Variants in NAALADL2 observed in about 807,000 individuals in gnomAD.
NAALADL2 encodes the protein N-acetylated alpha-linked acidic dipeptidase like 2.
A neutral mutation model predicts 87.2 loss-of-function variants in NAALADL2; 76 were observed. The ratio of observed to expected loss-of-function variants is 0.87; its 90% CI spans 0.72 to 1.05. The LOEUF (loss-of-function observed/expected upper bound fraction) is 1.05, where lower values mean the gene tolerates loss of function less well. Ranked by LOEUF, NAALADL2 falls within the 50% of genes least tolerant of loss-of-function variation. The pLI is 0.00. For missense variants in NAALADL2, 1,089 were observed against 945.8 expected, an observed-to-expected ratio of 1.15 and a Z score of -1.99; for synonymous variants, 354 against 331.0, an observed-to-expected ratio of 1.07 and a Z score of -0.75.
intron 3 of NAALADL2, among the ~76,000 whole-genome samples, chr3:174,767,164 C>T (rs978559193): frequency 6.6e-6 from 1 of 152,142 alleles, no homozygotes; most frequent in South Asian, 2.1e-4. Context: ...AAAATTAGCA[C>T]AACTGAGCAC....
At chr3:174,515,626 A>G (rs1246774582) in intron 1 of NAALADL2, among the ~76,000 whole-genome samples, 1 of 151,806 alleles carries the variant, frequency 6.6e-6, no homozygotes, top group Non-Finnish European at 1.5e-5. Flanking sequence ...TATAGAACAA[A>G]TATTTGGTTG....
intron 13 of NAALADL2, among the ~76,000 whole-genome samples, chr3:175,786,259 T>C (rs1375924875): frequency 6.6e-6 from 1 of 151,980 alleles, no homozygotes; most frequent in Non-Finnish European, 1.5e-5. Flanking sequence ...CCTTGCTAGA[T>C]TGGGGAAGTT....
intron 1 of NAALADL2, among the ~76,000 whole-genome samples, chr3:174,979,814 C>T (rs967022132): frequency 3.3e-5 from 5 of 152,102 alleles, no homozygotes; most frequent in African/African-American, 1.2e-4. Flanking sequence ...AGAAATATTT[C>T]TGGCATTTGG....
intron 4 of NAALADL2, among the ~76,000 whole-genome samples, chr3:175,300,213 ATTG>A (rs543603824): frequency 0.013 from 2,019 of 152,262 alleles, 48 homozygotes; most frequent in African/African-American, 0.046. Flanking sequence ...GGATTTCCGC[ATTG>A]ATGTTCGTCA....
At chr3:174,857,170 A>T (rs1725941961), upstream of NAALADL2, among the ~76,000 whole-genome samples, 2 of 152,310 alleles carry the variant, frequency 1.3e-5, no homozygotes, top group Admixed American at 6.5e-5. Flanking sequence ...AGGGAGGTGA[A>T]GAAGTTTTTT....
intron 1 of NAALADL2, among the ~76,000 whole-genome samples, chr3:174,866,271 A>G (rs986850789): frequency 4.6e-5 from 7 of 151,928 alleles, no homozygotes; most frequent in African/African-American, 1.4e-4. Flanking sequence ...TATAGAGAGA[A>G]GGAAAATACT....
chr3:174,751,877 C>T (rs937060365), intron 3 of NAALADL2, among the ~76,000 whole-genome samples: 4 of 151,432 alleles, frequency 2.6e-5, no homozygotes, highest in Admixed American at 2.0e-4. Context: ...TGTGTGTGTG[C>T]GCGTGCGCAA....
chr3:175,517,385 AT>A (rs1312528686), intron 9 of NAALADL2, among the ~76,000 whole-genome samples: 4 of 152,030 alleles, frequency 2.6e-5, no homozygotes, highest in Non-Finnish European at 4.4e-5. Context: ...GATTCAAAAT[AT>A]TTTTTTCTTT....
At chr3:174,705,894 A>G (rs1730021859) in intron 2 of NAALADL2, among the ~76,000 whole-genome samples, 1 of 152,080 alleles carries the variant, frequency 6.6e-6, no homozygotes, top group South Asian at 2.1e-4. Context: ...GGTGATGCAT[A>G]TAGGTATTAG....
chr3:175,423,015 TA>T (rs1172792679), intron 5 of NAALADL2, among the ~76,000 whole-genome samples: 3 of 26,786 alleles, frequency 1.1e-4, no homozygotes, highest in Non-Finnish European at 6.8e-5. Flanking sequence ...CCCAGGTCCT[TA>T]AGAAAAAAAA....
At chr3:175,455,820 C>A (rs73884407) in intron 6 of NAALADL2, among the ~76,000 whole-genome samples, 2,160 of 152,086 alleles carry the variant, frequency 0.014, 40 homozygotes, top group African/African-American at 0.048. Context: ...AGATTCTAGT[C>A]ACAGTGAGGA....
At chr3:174,814,299 G>C (rs988842402) in intron 3 of NAALADL2, among the ~76,000 whole-genome samples, 1 of 151,954 alleles carries the variant, frequency 6.6e-6, no homozygotes, top group Non-Finnish European at 1.5e-5. Context: ...AGTAGAGACA[G>C]GGTTTCACCT....
chr3:175,539,167 C>A (rs1484333476), intron 9 of NAALADL2, among the ~76,000 whole-genome samples: 2 of 152,116 alleles, frequency 1.3e-5, no homozygotes, highest in Non-Finnish European at 2.9e-5. Flanking sequence ...TGAGTCGCAG[C>A]AGTTAGAAGG....
intron 1 of NAALADL2, among the ~76,000 whole-genome samples, chr3:174,887,378 GTATT>G (rs1319579122): frequency 4.0e-5 from 6 of 150,218 alleles, no homozygotes; most frequent in Non-Finnish European, 9.0e-5. Flanking sequence ...TTTATTAATG[GTATT>G]AATCAATTAT....
chr3:175,664,918 T>C (rs1038228010), intron 11 of NAALADL2, among the ~76,000 whole-genome samples: 1 of 152,184 alleles, frequency 6.6e-6, no homozygotes. Context: ...TTTACTAATT[T>C]CTTATGACAC....
chr3:175,762,940 C>A (rs1225761991), intron 13 of NAALADL2, among the ~76,000 whole-genome samples: 3 of 151,944 alleles, frequency 2.0e-5, no homozygotes, highest in Admixed American at 1.3e-4. Flanking sequence ...AAAAATTAGC[C>A]AAGCGTGGTG....
intron 2 of NAALADL2, among the ~76,000 whole-genome samples, chr3:175,144,714 C>T (rs566356832): frequency 4.6e-4 from 70 of 152,010 alleles, no homozygotes; most frequent in Non-Finnish European, 6.5e-4. Context: ...GGTTTATTCT[C>T]TAAATCCCTG....
At chr3:175,050,734 T>C (rs1400664991) in intron 1 of NAALADL2, among the ~76,000 whole-genome samples, 1 of 152,208 alleles carries the variant, frequency 6.6e-6, no homozygotes, top group African/African-American at 2.4e-5. Flanking sequence ...ATAGAAATAG[T>C]ATCAATTTAG....
intron 1 of NAALADL2, among the ~76,000 whole-genome samples, chr3:174,878,217 A>T (rs1307769258): frequency 6.6e-6 from 1 of 152,140 alleles, no homozygotes; most frequent in Non-Finnish European, 1.5e-5. Flanking sequence ...AATTTATATG[A>T]TTAGACACAA....
Sources: allele counts gnomAD v4.1 joint callset (sites outside exome capture counted in the v4.1 genomes callset), GRCh38; gene constraint gnomAD v4.1.1; transcripts MANE v1.5; gene names NCBI Gene and HGNC (gene_info 2026-07-23, HGNC 2026-07-21).